The following CPED1 variants were observed in gnomAD, a reference collection of about 807,000 sequenced individuals.
CPED1 encodes the protein cadherin-like and PC-esterase domain-containing protein 1.
Under a neutral mutation model 128.2 loss-of-function variants are expected in CPED1, and 114 were observed. That is an observed-to-expected ratio of 0.89 (90% confidence interval 0.76 to 1.04). CPED1 has a LOEUF of 1.04. Ranked by LOEUF, CPED1 falls within the 50% of genes least tolerant of loss-of-function variation. The pLI, the probability that CPED1 is intolerant of heterozygous loss-of-function variation, is 0.00. For synonymous variants in CPED1, 462 were observed against 426.7 expected (o/e 1.08, Z -1.02); for missense variants, 1,211 against 1,207.1 (o/e 1.00, Z -0.05).
At chr7:121,262,521 CATG>C (rs1456210958) in intron 18 of CPED1, among the ~76,000 whole-genome samples, 1 of 152,006 alleles carries the variant, frequency 6.6e-6, no homozygotes, top group Non-Finnish European at 1.5e-5. Context: ...CTCTTCTAAA[CATG>C]TCTTTGTGTT....
chr7:121,158,250 G>A (rs768902242), intron 16 of CPED1, among the ~76,000 whole-genome samples: 37 of 152,138 alleles, frequency 2.4e-4, no homozygotes, highest in Middle Eastern at 3.2e-3. Flanking sequence ...TTTGACTGAG[G>A]CAATAGTGGT....
rs1053083121 is a variant in CPED1 at position 121,072,192 on chromosome 7, A to G, written c.616+7879A>G. 2.4e-3 allele frequency among the ~76,000 whole-genome samples: 362 copies of G among 151,708 alleles called. 1 individual carries two copies. The highest frequency in any genetic ancestry group is 8.4e-3 in the African/African-American group (349 of 41,412). On this transcript the variant is annotated intron_variant, in intron 5 of 22. Coordinates refer to ENST00000310396, the MANE Select transcript of CPED1 (RefSeq NM_024913.5). ...GATTTCTCTTTTCCTATACAAAAAA[A>G]AAAAAAAACATGGGAGTAAATTGCA...
intron 5 of CPED1, among the ~76,000 whole-genome samples, chr7:121,080,872 A>G (rs1794276018): frequency 6.6e-6 from 1 of 152,118 alleles, no homozygotes; most frequent in Non-Finnish European, 1.5e-5. Context: ...GAAACTTACA[A>G]GTGTTATAAA....
intron 7 of CPED1, among the ~76,000 whole-genome samples, chr7:121,117,678 T>C (rs1795286433): frequency 6.6e-6 from 1 of 152,132 alleles, no homozygotes; most frequent in Admixed American, 6.6e-5. Context: ...TGGGGATCCC[T>C]GATGACTCCC....
chr7:121,176,716 T>A (rs1005388710), intron 16 of CPED1, among the ~76,000 whole-genome samples: 1 of 152,072 alleles, frequency 6.6e-6, no homozygotes, highest in Non-Finnish European at 1.5e-5. Flanking sequence ...CCAAACAGAT[T>A]TGGTTTAGAA....
At chr7:121,012,713 T>C (rs1585017246) in intron 2 of CPED1, among the ~76,000 whole-genome samples, 1 of 152,242 alleles carries the variant, frequency 6.6e-6, no homozygotes, top group African/African-American at 2.4e-5. Context: ...AGCAGCAGTT[T>C]GTATTACAGG....
intron 12 of CPED1, among the ~76,000 whole-genome samples, chr7:121,132,226 G>C (rs1352620757): frequency 1.3e-5 from 2 of 152,018 alleles, no homozygotes; most frequent in Non-Finnish European, 2.9e-5. Context: ...AATAAGATGG[G>C]TTGTTTGTTC....
chr7:120,989,886 G>A lies in CPED1; in HGVS notation c.249+16G>A. 1 of 1,612,928 alleles carries A rather than the reference G, an allele frequency of 6.2e-7. No individual in the cohort carries two copies. On this transcript the variant is annotated intron_variant, in intron 2 of 22. Transcript: ENST00000310396. The stretch of plus-strand genomic sequence containing the variant: ...AACCAGAAAGGTAAGACTCTCATAA[G>A]CTTAACGGAGACAGTTTCTGCAAAG...
At chr7:121,207,041 A>G (rs553806802) in intron 16 of CPED1, among the ~76,000 whole-genome samples, 1 of 152,122 alleles carries the variant, frequency 6.6e-6, no homozygotes, top group East Asian at 1.9e-4. Context: ...CCAACTTAAT[A>G]TATTTTGCAC....
intron 18 of CPED1, among the ~76,000 whole-genome samples, chr7:121,256,124 C>CAAAAAAAAAAAAAA (rs1333114209): frequency 8.8e-5 from 4 of 45,354 alleles, no homozygotes; most frequent in Admixed American, 7.0e-4. Context: ...AAAAAAAAAA[C>CAAAAAAAAAAAAAA]AAAACAAAAA....
At chr7:121,160,701 C>T (rs1170096433) in intron 16 of CPED1, among the ~76,000 whole-genome samples, 3 of 152,160 alleles carry the variant, frequency 2.0e-5, no homozygotes, top group Non-Finnish European at 4.4e-5. Context: ...CCTGAGTTCT[C>T]AGGAATTCGA....
At chr7:121,231,837 T>C (rs1368993355) in intron 16 of CPED1, among the ~76,000 whole-genome samples, 1 of 152,096 alleles carries the variant, frequency 6.6e-6, no homozygotes, top group East Asian at 1.9e-4. Context: ...AATTAGAATT[T>C]AAAATTACAG....
In CPED1 at chr7:121,068,011, T is replaced by C. The variant is rs561741052; in HGVS notation, c.616+3698T>C. Among the ~76,000 whole-genome samples, 3 of 152,372 alleles carry C rather than the reference T, an allele frequency of 2.0e-5. No homozygotes were observed. The East Asian group carries it at 5.8e-4, about 29-fold the overall frequency. Reference sequence around the variant, plus strand: ...TTGAGTTCTTTGTAGATTCTGGATGTTAGCCTTTTGTCAGATAAGTAGATT... The same window carrying C: ...TTGAGTTCTTTGTAGATTCTGGATGCTAGCCTTTTGTCAGATAAGTAGATT... On this transcript the variant is annotated intron_variant, in intron 5 of 22. Coordinates refer to ENST00000310396, the MANE Select transcript of CPED1 (RefSeq NM_024913.5).
chr7:121,123,187 G>T (rs969162775), intron 7 of CPED1, among the ~76,000 whole-genome samples: 1 of 152,014 alleles, frequency 6.6e-6, no homozygotes, highest in Admixed American at 6.6e-5. Flanking sequence ...TACTAATGAC[G>T]CATTCTTAGG....
At chr7:121,038,563 T>C (rs972981140) in intron 3 of CPED1, among the ~76,000 whole-genome samples, 1 of 152,132 alleles carries the variant, frequency 6.6e-6, no homozygotes, top group Admixed American at 6.6e-5. Context: ...ATCATCATCT[T>C]GTTTCTTCTG....
At chr7:121,129,798 G>A (rs1192555369) in intron 11 of CPED1, among the ~76,000 whole-genome samples, 2 of 151,622 alleles carry the variant, frequency 1.3e-5, no homozygotes, top group Non-Finnish European at 2.9e-5. Context: ...TGTAACCCAA[G>A]AGGCTCTCTC....
chr7:121,119,323 G>A (rs772262913), intron 7 of CPED1, among the ~76,000 whole-genome samples: 1 of 149,782 alleles, frequency 6.7e-6, no homozygotes, highest in South Asian at 2.1e-4. Context: ...TCCGCCTCCC[G>A]GGTTCAAGTG....
intron 7 of CPED1, among the ~76,000 whole-genome samples, chr7:121,114,417 C>G (rs568685217): frequency 4.6e-5 from 7 of 152,284 alleles, no homozygotes; most frequent in African/African-American, 1.7e-4. Flanking sequence ...GAGTTCTATG[C>G]CTACCTTCAT....
At chr7:121,010,429 A>G (rs1427007634) in intron 2 of CPED1, among the ~76,000 whole-genome samples, 1 of 151,986 alleles carries the variant, frequency 6.6e-6, no homozygotes, top group Non-Finnish European at 1.5e-5. Flanking sequence ...TTCTATTTTT[A>G]GTAGAGACAA....
Sources: allele counts gnomAD v4.1 joint callset (sites outside exome capture counted in the v4.1 genomes callset), GRCh38; gene constraint gnomAD v4.1.1; transcripts MANE v1.5; gene names NCBI Gene and HGNC (gene_info 2026-07-23, HGNC 2026-07-21).